The following ENTREP2 variants were observed in gnomAD, a reference collection of about 807,000 sequenced individuals.
ENTREP2 encodes the protein protein ENTREP2.
chr15:29,438,105 G>A, the ENTREP2 span, among the ~76,000 whole-genome samples: 1 of 152,028 alleles, frequency 6.6e-6, no homozygotes, highest in African/African-American at 2.4e-5. Context: ...CTCCGGCCCT[G>A]GGCAGCTGTG....
the ENTREP2 span, among the ~76,000 whole-genome samples, chr15:29,490,907 G>A: frequency 3.3e-5 from 5 of 152,210 alleles, no homozygotes; most frequent in African/African-American, 9.6e-5. Context: ...GGGACTGGAC[G>A]CCTATGGAGC....
chr15:29,529,377 G>A, the ENTREP2 span, among the ~76,000 whole-genome samples: 2 of 151,908 alleles, frequency 1.3e-5, no homozygotes, highest in Non-Finnish European at 2.9e-5. Flanking sequence ...TGCCATTGGT[G>A]AGGCAGGTTA....
At chr15:29,420,335 G>C in the ENTREP2 span, among the ~76,000 whole-genome samples, 1 of 152,182 alleles carries the variant, frequency 6.6e-6, no homozygotes, top group African/African-American at 2.4e-5. Flanking sequence ...GGTCTATCCA[G>C]AAGGGGAAGA....
the ENTREP2 span, among the ~76,000 whole-genome samples, chr15:29,119,189 A>G: frequency 2.6e-5 from 4 of 152,366 alleles, no homozygotes; most frequent in African/African-American, 9.6e-5. Context: ...GTAGAGGCAA[A>G]GAAAGCTGTT....
At chr15:29,476,380 C>T in the ENTREP2 span, among the ~76,000 whole-genome samples, 2 of 152,146 alleles carry the variant, frequency 1.3e-5, no homozygotes, top group Non-Finnish European at 2.9e-5. Context: ...ATTAGCTGAC[C>T]CTTCATTATT....
chr15:29,495,603 A>G, the ENTREP2 span, among the ~76,000 whole-genome samples: 1 of 151,632 alleles, frequency 6.6e-6, no homozygotes, highest in Non-Finnish European at 1.5e-5. Flanking sequence ...GTTTCCTTTC[A>G]TATTTTTTCT....
At chr15:29,201,021 A>T in the ENTREP2 span, among the ~76,000 whole-genome samples, 5 of 152,234 alleles carry the variant, frequency 3.3e-5, no homozygotes, top group African/African-American at 9.6e-5. Context: ...CAGTGTCCAT[A>T]TGCTATTAAT....
the ENTREP2 span, among the ~76,000 whole-genome samples, chr15:29,270,750 G>A: frequency 6.6e-6 from 1 of 152,218 alleles, no homozygotes; most frequent in Admixed American, 6.5e-5. Context: ...TAGCCAAAAT[G>A]AGTCATTTCA....
the ENTREP2 span, among the ~76,000 whole-genome samples, chr15:29,315,617 A>G: frequency 6.6e-6 from 1 of 152,364 alleles, no homozygotes; most frequent in Non-Finnish European, 1.5e-5. Flanking sequence ...CACTTTAAGT[A>G]TTAGAAAAAA....
chr15:29,591,386 T>G, the ENTREP2 span, among the ~76,000 whole-genome samples: 1 of 152,200 alleles, frequency 6.6e-6, no homozygotes, highest in South Asian at 2.1e-4. Context: ...AGTGACTTAT[T>G]TCATGGATAA....
chr15:29,195,882 T>C, the ENTREP2 span, among the ~76,000 whole-genome samples: 1 of 152,250 alleles, frequency 6.6e-6, no homozygotes, highest in Non-Finnish European at 1.5e-5. Context: ...AACAGAAGAA[T>C]TGGGTTCACT....
the ENTREP2 span, among the ~76,000 whole-genome samples, chr15:29,159,374 A>C: frequency 6.6e-6 from 1 of 152,112 alleles, no homozygotes. Context: ...GGACCGAGAG[A>C]GTGAGCAGCA....
At chr15:29,498,307 T>C in the ENTREP2 span, among the ~76,000 whole-genome samples, 1 of 152,154 alleles carries the variant, frequency 6.6e-6, no homozygotes, top group Non-Finnish European at 1.5e-5. Context: ...TGGACTGATA[T>C]ACCCAAAGTT....
At chr15:29,568,785 T>G in the ENTREP2 span, among the ~76,000 whole-genome samples, 1 of 151,496 alleles carries the variant, frequency 6.6e-6, no homozygotes, top group Non-Finnish European at 1.5e-5. Context: ...GCAAACTGAA[T>G]TAACTGTTTT....
chr15:29,626,193 C>T, the ENTREP2 span, among the ~76,000 whole-genome samples: 14 of 152,146 alleles, frequency 9.2e-5, no homozygotes, highest in East Asian at 2.3e-3. Flanking sequence ...TCAAACTTTG[C>T]TATACTCACT....
the ENTREP2 span, among the ~76,000 whole-genome samples, chr15:29,149,178 A>AT: frequency 6.6e-6 from 1 of 152,008 alleles, no homozygotes; most frequent in East Asian, 1.9e-4. Flanking sequence ...GCTCCTCTAG[A>AT]TTTTTATCAG....
chr15:29,557,572 G>C, the ENTREP2 span, among the ~76,000 whole-genome samples: 2 of 152,164 alleles, frequency 1.3e-5, no homozygotes, highest in Non-Finnish European at 2.9e-5. Context: ...GGATGATGTG[G>C]GTCCCCATCG....
chr15:29,334,993 G>A, the ENTREP2 span, among the ~76,000 whole-genome samples: 1 of 152,150 alleles, frequency 6.6e-6, no homozygotes, highest in Non-Finnish European at 1.5e-5. Flanking sequence ...ATGACATGCA[G>A]AAGACCCAGG....
the ENTREP2 span, among the ~76,000 whole-genome samples, chr15:29,127,164 G>C: frequency 6.6e-6 from 1 of 152,210 alleles, no homozygotes; most frequent in Non-Finnish European, 1.5e-5. Context: ...GGACCGGGAT[G>C]CTGGTCAGGG....
Sources: gnomAD v4.1 joint callset for allele counts (sites outside exome capture counted in the v4.1 genomes callset) on GRCh38, gnomAD v4.1.1 for gene constraint, MANE v1.5 for transcripts, NCBI Gene and HGNC (gene_info 2026-07-23, HGNC 2026-07-21) for gene names.